The following CDK17 variants were observed in gnomAD, a reference collection of about 807,000 sequenced individuals.
CDK17 encodes cyclin dependent kinase 17.
In CDK17, 24 loss-of-function variants were observed where a neutral mutation model predicts 77.6. That is an observed-to-expected ratio of 0.31 (90% CI 0.22 to 0.44). The LOEUF (loss-of-function observed/expected upper bound fraction) is 0.44, where lower values mean the gene tolerates loss of function less well. Among genes scored for constraint, CDK17 ranks in the 20% least tolerant of loss-of-function variants. The probability of loss-of-function intolerance (pLI) is 1.00; values close to 1 mark genes in which losing one functional copy is unlikely to be tolerated. For missense variants in CDK17, 429 were observed against 622.5 expected, an observed-to-expected ratio of 0.69 and a Z score of 3.31; for synonymous variants, 203 against 210.4, an observed-to-expected ratio of 0.96 and a Z score of 0.30.
intron 1 of CDK17, among the ~76,000 whole-genome samples, chr12:96,371,708 G>C (rs1489181040): frequency 1.3e-5 from 2 of 151,896 alleles, no homozygotes; most frequent in Non-Finnish European, 2.9e-5. Context: ...CTCCAGCCTA[G>C]GCAACAAGAG....
At chr12:96,358,455 G>A (rs1374620046) in intron 1 of CDK17, among the ~76,000 whole-genome samples, 1 of 142,624 alleles carries the variant, frequency 7.0e-6, no homozygotes, top group African/African-American at 2.6e-5. Flanking sequence ...TAGATTTTAA[G>A]ACAGTAAAAT....
At chr12:96,289,684 G>A (rs1952295658) in intron 10 of CDK17, among the ~76,000 whole-genome samples, 1 of 152,184 alleles carries the variant, frequency 6.6e-6, no homozygotes, top group African/African-American at 2.4e-5. Context: ...TAACGGCTAT[G>A]AGCTTTTGTC....
intron 5 of CDK17, among the ~76,000 whole-genome samples, chr12:96,307,311 G>T (rs1382544263): frequency 6.6e-6 from 1 of 152,006 alleles, no homozygotes; most frequent in African/African-American, 2.4e-5. Flanking sequence ...AAAAGCGGGG[G>T]AGGTAGGTAG....
At chr12:96,323,415 C>T (rs369957706) in intron 3 of CDK17, among the ~76,000 whole-genome samples, 95 of 152,126 alleles carry the variant, frequency 6.2e-4, no homozygotes, top group African/African-American at 2.2e-3. Context: ...TCAATAGCAC[C>T]ACTGCATTCC....
chr12:96,282,815 A>G (rs973508201), intron 14 of CDK17, among the ~76,000 whole-genome samples: 1 of 152,196 alleles, frequency 6.6e-6, no homozygotes, highest in Non-Finnish European at 1.5e-5. Flanking sequence ...CATTTCTAAG[A>G]TAAGGCTGGA....
chr12:96,324,216 TAC>T, intron 2 of CDK17, 104 bp from the exon 3 acceptor site: 1 of 735,906 alleles, frequency 1.4e-6, no homozygotes, highest in Non-Finnish European at 2.1e-6. Flanking sequence ...CAGAGATTAG[TAC>T]ATTTAGCCTC....
intron 1 of CDK17, among the ~76,000 whole-genome samples, chr12:96,369,298 C>CA (rs954731105): frequency 2.6e-5 from 4 of 152,136 alleles, no homozygotes; most frequent in Admixed American, 6.5e-5. Context: ...TAAACCAACA[C>CA]AGTCTCTACC....
intron 9 of CDK17, 41 bp downstream of exon 9, chr12:96,297,228 CT>C (rs1416864652): frequency 1.5e-6 from 2 of 1,334,692 alleles, no homozygotes; most frequent in Non-Finnish European, 1.1e-6. Flanking sequence ...TTCACCTATG[CT>C]TTAAACAAAA....
intron 5 of CDK17, among the ~76,000 whole-genome samples, chr12:96,304,748 A>T (rs1322162031): frequency 2.0e-5 from 3 of 152,174 alleles, no homozygotes. Flanking sequence ...TACCACCTTA[A>T]TCCTGTACTC....
intron 1 of CDK17, among the ~76,000 whole-genome samples, chr12:96,350,019 G>A (rs1042822433): frequency 6.6e-6 from 1 of 152,028 alleles, no homozygotes; most frequent in African/African-American, 2.4e-5. Context: ...AATCCATTTA[G>A]AATAGCATCA....
chr12:96,294,202 G>T (rs1303158339), intron 10 of CDK17, among the ~76,000 whole-genome samples: 1 of 152,144 alleles, frequency 6.6e-6, no homozygotes, highest in Non-Finnish European at 1.5e-5. Context: ...AAGAAATGTA[G>T]TCAAGGATGG....
At chr12:96,294,584 CAAAAAAAAAAAAAA>C (rs11313631) in intron 10 of CDK17, among the ~76,000 whole-genome samples, 3 of 54,346 alleles carry the variant, frequency 5.5e-5, no homozygotes, top group African/African-American at 8.2e-5. Flanking sequence ...ATGCTGTCTT[CAAAAAAAAAAAAAA>C]AAAAAAAAAA....
At chr12:96,353,997 G>A (rs1224327280) in intron 1 of CDK17, among the ~76,000 whole-genome samples, 2 of 152,050 alleles carry the variant, frequency 1.3e-5, no homozygotes, top group African/African-American at 2.4e-5. Flanking sequence ...GTAATAAGAG[G>A]GAAGGTCAGA....
chr12:96,399,964 C>G (rs1954233227), intron 1 of CDK17, 22 bp downstream of exon 1: 1 of 374,232 alleles, frequency 2.7e-6, no homozygotes, highest in African/African-American at 2.1e-5. Flanking sequence ...AAGCGCGGCG[C>G]GGACGCCAGC....
intron 1 of CDK17, among the ~76,000 whole-genome samples, chr12:96,369,191 C>A (rs566242681): frequency 3.3e-5 from 5 of 152,124 alleles, no homozygotes; most frequent in African/African-American, 1.2e-4. Context: ...CATATCTTTA[C>A]AATTATGTAC....
chr12:96,393,291 G>A (rs1191788385), intron 1 of CDK17, among the ~76,000 whole-genome samples: 1 of 150,096 alleles, frequency 6.7e-6, no homozygotes, highest in Non-Finnish European at 1.5e-5. Flanking sequence ...CTTGAACCCG[G>A]GAGGTGGAGG....
intron 1 of CDK17, among the ~76,000 whole-genome samples, chr12:96,390,563 G>A (rs895522432): frequency 1.3e-5 from 2 of 149,690 alleles, no homozygotes; most frequent in Non-Finnish European, 3.0e-5. Context: ...ACAAAGATTA[G>A]CCAGACACAA....
chr12:96,318,118 T>C (rs1420361850), intron 3 of CDK17, among the ~76,000 whole-genome samples: 4 of 149,188 alleles, frequency 2.7e-5, no homozygotes, highest in South Asian at 4.3e-4. Context: ...ACCAAGCAAA[T>C]GGAAAACAAA....
In CDK17 at chr12:96,279,408, C is replaced by T. The variant is rs558295973; in HGVS notation, c.*834G>A. On this transcript the variant is annotated 3_prime_UTR_variant, in exon 17 of 17. Coordinates refer to ENST00000261211, the MANE Select transcript of CDK17 (RefSeq NM_002595.5). ...TTAAAACAAACAAAGCAAGACCTTT[C>T]GCGTTTGAACAGACTTCTACGGTTA... The T allele has an allele frequency of 2.0e-5, 3 of 152,298 alleles. No homozygotes were observed. Among genetic ancestry groups the T allele is most frequent in the Non-Finnish European group, 2.9e-5 (2 of 68,000 alleles). 9.4% of individuals were successfully genotyped at this position (152,298 alleles called of 1,614,324 possible). A position where few individuals can be genotyped will look rare whatever the true frequency, so the allele number is the denominator to read the frequency against.
Sources: gnomAD v4.1 joint callset for allele counts (sites outside exome capture counted in the v4.1 genomes callset) on GRCh38, gnomAD v4.1.1 for gene constraint, MANE v1.5 for transcripts, NCBI Gene and HGNC (gene_info 2026-07-23, HGNC 2026-07-21) for gene names.